MAP2K2: variants seen among roughly 807,000 people sequenced by gnomAD.
MAP2K2 encodes dual specificity mitogen-activated protein kinase kinase 2.
A neutral mutation model predicts 43.7 loss-of-function variants in MAP2K2; 24 were observed. The ratio of observed to expected loss-of-function variants is 0.55; its 90% CI spans 0.40 to 0.77. MAP2K2 has a LOEUF of 0.77. Ranked by LOEUF, MAP2K2 falls within the 30% of genes least tolerant of loss-of-function variation. MAP2K2 has a pLI of 0.00. For missense variants in MAP2K2, 470 were observed against 566.8 expected, an observed-to-expected ratio of 0.83 and a Z score of 1.73; for synonymous variants, 244 against 239.7, an observed-to-expected ratio of 1.02 and a Z score of -0.17.
At chr19:4,121,210 T>C (rs1398710214) in intron 1 of MAP2K2, among the ~76,000 whole-genome samples, 1 of 151,700 alleles carries the variant, frequency 6.6e-6, no homozygotes, top group Non-Finnish European at 1.5e-5. Flanking sequence ...AGCATACCCC[T>C]TTCTCAGATC....
chr19:4,122,879 T>C (rs654591), intron 1 of MAP2K2, among the ~76,000 whole-genome samples: 151,462 of 151,646 alleles, frequency 1, 75,642 homozygotes, highest in Middle Eastern at 1. Context: ...GAGGGACCCT[T>C]ACCCCGTCTT....
At chr19:4,106,046 C>A (rs1415468884) in intron 3 of MAP2K2, among the ~76,000 whole-genome samples, 1 of 152,218 alleles carries the variant, frequency 6.6e-6, no homozygotes, top group East Asian at 1.9e-4. Flanking sequence ...TAGCTCACTG[C>A]AGCCTCGACC....
chr19:4,112,946 G>C (rs543205145), intron 2 of MAP2K2, among the ~76,000 whole-genome samples: 1 of 152,178 alleles, frequency 6.6e-6, no homozygotes, highest in African/African-American at 2.4e-5. Context: ...TTTTCACACC[G>C]AGCCCTTGAA....
chr19:4,107,518 C>T (rs1416345218), intron 3 of MAP2K2, among the ~76,000 whole-genome samples: 18 of 118,882 alleles, frequency 1.5e-4, no homozygotes, highest in East Asian at 2.4e-4. Context: ...AGCTAGACTC[C>T]GTCTCAAAAA....
chr19:4,092,860 C>T (rs999384939), intron 10 of MAP2K2, among the ~76,000 whole-genome samples: 3 of 151,986 alleles, frequency 2.0e-5, no homozygotes, highest in Non-Finnish European at 4.4e-5. Context: ...TCATTTGAGC[C>T]CAGGAGTTTG....
chr19:4,107,341 A>G (rs1028766536), intron 3 of MAP2K2, among the ~76,000 whole-genome samples: 4 of 151,852 alleles, frequency 2.6e-5, no homozygotes, highest in East Asian at 1.9e-4. Context: ...TGGCTAACAC[A>G]GCGAAACCCC....
intron 7 of MAP2K2, 82 bp from the exon 8 acceptor site, chr19:4,097,425 C>G: frequency 2.9e-6 from 3 of 1,035,772 alleles, no homozygotes; most frequent in Non-Finnish European, 1.5e-6. Flanking sequence ...GGGGGCTGAT[C>G]ACCACCAGGC....
chr19:4,108,609 C>T (rs2041117743), intron 3 of MAP2K2, among the ~76,000 whole-genome samples: 1 of 152,080 alleles, frequency 6.6e-6, no homozygotes, highest in South Asian at 2.1e-4. Flanking sequence ...CCTGTGTCTC[C>T]CTCCTGCAGC....
intron 7 of MAP2K2, among the ~76,000 whole-genome samples, chr19:4,098,246 C>T (rs749124760): frequency 6.6e-6 from 1 of 152,092 alleles, no homozygotes; most frequent in Non-Finnish European, 1.5e-5. Flanking sequence ...TGTGAAATGC[C>T]CAGGACAGGC....
At chr19:4,109,323 C>T (rs924541296) in intron 3 of MAP2K2, among the ~76,000 whole-genome samples, 32 of 152,298 alleles carry the variant, frequency 2.1e-4, no homozygotes, top group Non-Finnish European at 1.8e-4. Flanking sequence ...GAAGGGGGTG[C>T]CTGTACCCCA....
At chr19:4,102,624 T>G in intron 3 of MAP2K2, 171 bp from the exon 4 acceptor site, 1 of 900,366 alleles carries the variant, frequency 1.1e-6, no homozygotes, top group Non-Finnish European at 1.7e-6. Context: ...AGTTCTGCCT[T>G]TGGGTCTGAA....
chr19:4,108,238 T>TTTTG (rs755062799), intron 3 of MAP2K2, among the ~76,000 whole-genome samples: 3 of 151,872 alleles, frequency 2.0e-5, no homozygotes, highest in African/African-American at 7.3e-5. Flanking sequence ...TCCACGTTGT[T>TTTTG]TTTGTTTGTT....
chr19:4,110,909 C>G (rs1283793745), intron 2 of MAP2K2, among the ~76,000 whole-genome samples: 1 of 152,218 alleles, frequency 6.6e-6, no homozygotes, highest in South Asian at 2.1e-4. Context: ...CAGGGCAGAA[C>G]AGGCCAACCC....
At chr19:4,111,932 G>A (rs1442932646) in intron 2 of MAP2K2, among the ~76,000 whole-genome samples, 3 of 152,128 alleles carry the variant, frequency 2.0e-5, no homozygotes, top group South Asian at 2.1e-4. Context: ...CAGCCTGGGG[G>A]ACAAGAGCGA....
intron 1 of MAP2K2, among the ~76,000 whole-genome samples, chr19:4,120,057 G>A (rs942256993): frequency 4.6e-5 from 7 of 152,190 alleles, no homozygotes; most frequent in African/African-American, 1.2e-4. Context: ...TCTCACCATC[G>A]TCCCCGGAGG....
chr19:4,111,825 C>G (rs545545575), intron 2 of MAP2K2, among the ~76,000 whole-genome samples: 1 of 152,008 alleles, frequency 6.6e-6, no homozygotes, highest in Non-Finnish European at 1.5e-5. Context: ...TGGTGGCAGG[C>G]GCCTGTAATC....
At chr19:4,099,046 C>A (rs749137593) in intron 7 of MAP2K2, 155 bp downstream of exon 7, 5 of 669,986 alleles carry the variant, frequency 7.5e-6, no homozygotes, top group Non-Finnish European at 1.0e-5. Flanking sequence ...CCGGAAACCC[C>A]AGGACCATGG....
intron 7 of MAP2K2, among the ~76,000 whole-genome samples, chr19:4,097,915 A>T (rs1444247473): frequency 6.6e-6 from 1 of 152,090 alleles, no homozygotes; most frequent in African/African-American, 2.4e-5. Flanking sequence ...GAGAGTTGGG[A>T]CTGGGAGAGG....
chr19:4,097,212 A>AAG, intron 8 of MAP2K2, 67 bp downstream of exon 8: 3 of 1,140,636 alleles, frequency 2.6e-6, no homozygotes, highest in Non-Finnish European at 3.7e-6. Flanking sequence ...GCCTAAAAAA[A>AAG]AAAAAAAAAA....
Sources: gnomAD v4.1 joint callset for allele counts (sites outside exome capture counted in the v4.1 genomes callset) on GRCh38, gnomAD v4.1.1 for gene constraint, MANE v1.5 for transcripts, NCBI Gene and HGNC (gene_info 2026-07-23, HGNC 2026-07-21) for gene names.